Variants in GUCY1A2 observed in about 807,000 individuals in gnomAD.
The protein encoded by GUCY1A2 is guanylate cyclase 1 soluble subunit alpha 2, also known as guanylate cyclase soluble subunit alpha-2.
A neutral mutation model predicts 63.5 loss-of-function variants in GUCY1A2; 27 were observed. The ratio of observed to expected loss-of-function variants is 0.43; its 90% CI spans 0.31 to 0.59. The LOEUF (loss-of-function observed/expected upper bound fraction) is 0.59, where lower values mean the gene tolerates loss of function less well. GUCY1A2 is among the 20% of genes least tolerant of loss of function. The pLI is 0.11. For synonymous variants in GUCY1A2, 364 were observed against 343.5 expected (o/e 1.06, Z -0.66); for missense variants, 768 against 913.3 (o/e 0.84, Z 2.05).
rs376260297 is a variant in GUCY1A2, at chr11:106,810,182, A to G, written c.1503T>C (p.Asp501=). 1.2e-4 allele frequency: 199 copies of G among 1,613,794 alleles called. No individual in the cohort carries two copies. Among genetic ancestry groups the G allele is most frequent in the Non-Finnish European group, 1.6e-4 (183 of 1,179,846 alleles). ...VDLLYSIFPG[D]VAQQLWQGQQ... is the part of the protein sequence containing the mutation. ...GCCCTTGCCATAATTGCTGGGCTAC[A>G]TCACCAGGGAAAATAGAATATAGAA... The change falls in exon 5 of 8, where the codon GAT becomes GAC. Residue 501 remains aspartate, a synonymous_variant. Coordinates refer to ENST00000526355, the MANE Select transcript of GUCY1A2 (RefSeq NM_000855.3).
chr11:106,865,663 T>C (rs1344918262), intron 4 of GUCY1A2, among the ~76,000 whole-genome samples: 1 of 151,746 alleles, frequency 6.6e-6, no homozygotes, highest in Non-Finnish European at 1.5e-5. Flanking sequence ...GTGAGGGTGA[T>C]AGGGGAGGGA....
At chr11:107,016,045 GA>G (rs1202832085) in intron 1 of GUCY1A2, among the ~76,000 whole-genome samples, 1 of 152,064 alleles carries the variant, frequency 6.6e-6, no homozygotes, top group Non-Finnish European at 1.5e-5. Flanking sequence ...TCTCGTAAAA[GA>G]AAAAAATCAT....
chr11:106,849,827 G>A (rs903086688), intron 4 of GUCY1A2, among the ~76,000 whole-genome samples: 23 of 151,610 alleles, frequency 1.5e-4, no homozygotes, highest in African/African-American at 5.6e-4. Context: ...TCACAGGAAG[G>A]AGAACATAAT....
At chr11:106,709,480 A>C (rs1356388968) in intron 6 of GUCY1A2, among the ~76,000 whole-genome samples, 6 of 56,010 alleles carry the variant, frequency 1.1e-4, no homozygotes, top group Non-Finnish European at 1.7e-4. Context: ...ATATATTATT[A>C]TATATTTATA....
intron 4 of GUCY1A2, among the ~76,000 whole-genome samples, chr11:106,900,811 A>T (rs557380479): frequency 9.3e-4 from 142 of 152,280 alleles, no homozygotes; most frequent in African/African-American, 3.2e-3. Context: ...CGACAAACAT[A>T]CTTTGACTTT....
chr11:106,956,879 G>T (rs1186131381), intron 3 of GUCY1A2, among the ~76,000 whole-genome samples: 1 of 152,194 alleles, frequency 6.6e-6, no homozygotes, highest in Non-Finnish European at 1.5e-5. Flanking sequence ...GAACTACCAA[G>T]AGGAGACAGC....
In GUCY1A2 at chr11:106,687,142, C is replaced by G. The variant is rs889677042; in HGVS notation, c.*407G>C. 2 of 232,932 alleles carry G rather than the reference C, an allele frequency of 8.6e-6. No homozygotes were observed. The highest frequency in any genetic ancestry group is 1.7e-5 in the Non-Finnish European group (2 of 118,152). The allele number at this position is 232,932 out of a possible 1,614,324, so 14.4% of individuals were successfully genotyped here. On this transcript the variant is annotated 3_prime_UTR_variant, in exon 8 of 8. Coordinates refer to ENST00000526355, the MANE Select transcript of GUCY1A2 (RefSeq NM_000855.3). Reference sequence around the variant, plus strand: ...AAAAAGAAACTTAGAAAATATTCCTCACCCACCAACTCACTAAATGTAGGA... The same window carrying G: ...AAAAAGAAACTTAGAAAATATTCCTGACCCACCAACTCACTAAATGTAGGA...
At position 106,725,867 on chromosome 11, in the gene GUCY1A2, CT is replaced by C. The variant is rs896401786; in HGVS notation, c.1837-17202del. On this transcript the variant is annotated intron_variant, in intron 6 of 7. Transcript: ENST00000526355. Reference sequence around the variant, plus strand: ...TGGACTCTAGTTTCTTACTCCAGATCTTTTTTTTTTTCCCTCCTTTTATATA... The same window carrying C: ...TGGACTCTAGTTTCTTACTCCAGATCTTTTTTTTTTCCCTCCTTTTATATA... Among the ~76,000 whole-genome samples, 64 of 146,800 alleles carry C rather than the reference CT, an allele frequency of 4.4e-4. No homozygotes were observed. In the East Asian group the frequency reaches 5.5e-3, roughly 13 times the overall value.
chr11:107,007,414 G>A (rs969846407), intron 1 of GUCY1A2, among the ~76,000 whole-genome samples: 1 of 152,142 alleles, frequency 6.6e-6, no homozygotes, highest in Non-Finnish European at 1.5e-5. Context: ...GATTATTGCA[G>A]CTTTCCCCGT....
chr11:106,777,378 C>T (rs984815673), intron 5 of GUCY1A2, among the ~76,000 whole-genome samples: 9 of 141,220 alleles, frequency 6.4e-5, no homozygotes, highest in African/African-American at 2.1e-4. Flanking sequence ...ACCCAGTAGG[C>T]GGAGGTTGCA....
At chr11:106,708,466 CA>C in intron 7 of GUCY1A2, 45 bp downstream of exon 7, 1 of 1,538,070 alleles carries the variant, frequency 6.5e-7, no homozygotes, top group Non-Finnish European at 8.9e-7. Flanking sequence ...CATAGCAGCC[CA>C]AAACAAAGGC....
intron 4 of GUCY1A2, among the ~76,000 whole-genome samples, chr11:106,813,137 A>C (rs1314553540): frequency 6.6e-6 from 1 of 152,012 alleles, no homozygotes; most frequent in Non-Finnish European, 1.5e-5. Flanking sequence ...TAAAATATAA[A>C]CATCTATCTA....
intron 4 of GUCY1A2, among the ~76,000 whole-genome samples, chr11:106,875,296 A>G (rs1859734565): frequency 6.6e-6 from 1 of 152,146 alleles, no homozygotes; most frequent in South Asian, 2.1e-4. Context: ...CATGCCACAG[A>G]GGGACCTTGA....
At chr11:106,759,451 T>C (rs975451549) in intron 6 of GUCY1A2, among the ~76,000 whole-genome samples, 6 of 152,126 alleles carry the variant, frequency 3.9e-5, no homozygotes, top group Non-Finnish European at 7.4e-5. Context: ...TAAGAAGGTA[T>C]TATGGATGGA....
intron 4 of GUCY1A2, among the ~76,000 whole-genome samples, chr11:106,858,390 C>CATAAA: frequency 6.6e-6 from 1 of 152,074 alleles, no homozygotes; most frequent in Non-Finnish European, 1.5e-5. Flanking sequence ...ACTTAGGGCA[C>CATAAA]TATAATGTCA....
At chr11:106,992,578 C>A (rs11211997) in intron 1 of GUCY1A2, among the ~76,000 whole-genome samples, 3,408 of 152,168 alleles carry the variant, frequency 0.022, 44 homozygotes, top group South Asian at 0.047. Flanking sequence ...GATCTGCCCA[C>A]CTCAGCCTCC....
intron 3 of GUCY1A2, among the ~76,000 whole-genome samples, chr11:106,965,925 T>TC (rs1414341496): frequency 1.6e-5 from 1 of 64,342 alleles, no homozygotes; most frequent in Admixed American, 1.9e-4. Flanking sequence ...AAAGTGAAGG[T>TC]TAAAAAAAAA....
chr11:106,973,039 A>T (rs1391593757), intron 3 of GUCY1A2, among the ~76,000 whole-genome samples: 4 of 152,112 alleles, frequency 2.6e-5, no homozygotes, highest in African/African-American at 9.6e-5. Flanking sequence ...CTTTCTCAGG[A>T]CTATCTACTG....
At chr11:106,900,081 G>A (rs1238839905) in intron 4 of GUCY1A2, among the ~76,000 whole-genome samples, 18 of 126,432 alleles carry the variant, frequency 1.4e-4, no homozygotes, top group Admixed American at 8.5e-4. Flanking sequence ...GCGAGACTCC[G>A]TCTCAAAAAA....
Sources: gnomAD v4.1 joint callset for allele counts (sites outside exome capture counted in the v4.1 genomes callset) on GRCh38, gnomAD v4.1.1 for gene constraint, MANE v1.5 for transcripts, NCBI Gene and HGNC (gene_info 2026-07-23, HGNC 2026-07-21) for gene names.